CCDC148: variants seen among roughly 807,000 people sequenced by gnomAD.
CCDC148 encodes the protein coiled-coil domain containing 148.
A neutral mutation model predicts 85.7 loss-of-function variants in CCDC148; 89 were observed. The observed-to-expected ratio is 1.04, with a 90% CI of 0.87 to 1.24. The LOEUF (loss-of-function observed/expected upper bound fraction) is 1.24. Among genes scored for constraint, CCDC148 ranks in the 50% most tolerant of loss-of-function variants. The pLI is 0.00. For missense variants in CCDC148, 692 were observed against 671.7 expected, an observed-to-expected ratio of 1.03 and a Z score of -0.33; for synonymous variants, 230 against 213.9, an observed-to-expected ratio of 1.08 and a Z score of -0.66.
intron 1 of CCDC148, among the ~76,000 whole-genome samples, chr2:158,426,600 T>A (rs1045924985): frequency 6.6e-6 from 1 of 152,166 alleles, no homozygotes; most frequent in Non-Finnish European, 1.5e-5. Context: ...AACTTTGAAT[T>A]TGGCATTCAG....
chr2:158,219,830 G>A (rs1002087227), intron 11 of CCDC148, among the ~76,000 whole-genome samples: 1 of 152,184 alleles, frequency 6.6e-6, no homozygotes, highest in African/African-American at 2.4e-5. Flanking sequence ...CAACCGTGGA[G>A]AGGGCTCCTC....
chr2:158,400,889 A>G (rs1381851656), intron 1 of CCDC148, among the ~76,000 whole-genome samples: 1 of 152,252 alleles, frequency 6.6e-6, no homozygotes, highest in Non-Finnish European at 1.5e-5. Flanking sequence ...AAGTGGGCAA[A>G]GGATATGAAC....
chr2:158,190,288 T>C (rs563432195), intron 11 of CCDC148, among the ~76,000 whole-genome samples: 1 of 152,094 alleles, frequency 6.6e-6, no homozygotes, highest in East Asian at 1.9e-4. Context: ...CAGAAATTAT[T>C]TATCATGAAC....
chr2:158,348,077 G>C (rs1683083700), intron 2 of CCDC148, among the ~76,000 whole-genome samples: 1 of 152,048 alleles, frequency 6.6e-6, no homozygotes, highest in Admixed American at 6.6e-5. Context: ...TGCATCACAA[G>C]ATTGCATATG....
rs563019652 is a variant in CCDC148, at chr2:158,418,508, A to C, written c.25+37907T>G. 9.9e-5 allele frequency among the ~76,000 whole-genome samples: 15 copies of C among 152,220 alleles called. No individual in the cohort carries two copies. The East Asian group carries it at 2.9e-3, about 29-fold the overall frequency. On this transcript the variant is annotated intron_variant, in intron 1 of 13. Coordinates refer to ENST00000283233, the MANE Select transcript of CCDC148 (RefSeq NM_138803.4). Reference sequence around the variant, plus strand: ...TTCCTTCTGTTCCTGGTATCTCCCAAGTTCATTTCTGCCTCCAAGTCTGTT... The same window carrying C: ...TTCCTTCTGTTCCTGGTATCTCCCACGTTCATTTCTGCCTCCAAGTCTGTT...
chr2:158,303,779 T>G (rs1299758401), intron 9 of CCDC148, among the ~76,000 whole-genome samples: 2 of 152,218 alleles, frequency 1.3e-5, no homozygotes, highest in African/African-American at 2.4e-5. Context: ...CATACCCTTC[T>G]GAGGAGGCTA....
intron 1 of CCDC148, among the ~76,000 whole-genome samples, chr2:158,399,750 A>G (rs1185694034): frequency 6.6e-6 from 1 of 152,184 alleles, no homozygotes; most frequent in East Asian, 1.9e-4. Context: ...CTCCTATTCA[A>G]CATAGTATTG....
At chr2:158,223,850 T>C (rs2105305370) in intron 10 of CCDC148, among the ~76,000 whole-genome samples, 1 of 152,184 alleles carries the variant, frequency 6.6e-6, no homozygotes, top group Non-Finnish European at 1.5e-5. Flanking sequence ...CAAAGGTAGA[T>C]AAAACCACAA....
intron 9 of CCDC148, among the ~76,000 whole-genome samples, chr2:158,282,667 T>C (rs569438495): frequency 1.3e-5 from 2 of 152,286 alleles, no homozygotes; most frequent in South Asian, 4.1e-4. Flanking sequence ...TGCTCATGGG[T>C]AGGAAGAATC....
At chr2:158,243,275 C>T (rs16842800) in intron 10 of CCDC148, among the ~76,000 whole-genome samples, 8,483 of 152,086 alleles carry the variant, frequency 0.056, 759 homozygotes, top group African/African-American at 0.19. Flanking sequence ...AAGGGTCATT[C>T]GTCCTTCTTC....
intron 1 of CCDC148, among the ~76,000 whole-genome samples, chr2:158,447,710 C>T (rs1688218485): frequency 1.3e-5 from 2 of 152,016 alleles, no homozygotes; most frequent in Admixed American, 6.6e-5. Flanking sequence ...TTGGTGAAAT[C>T]TCTATTAAAA....
At chr2:158,427,284 T>C (rs1038530427) in intron 1 of CCDC148, among the ~76,000 whole-genome samples, 10 of 152,168 alleles carry the variant, frequency 6.6e-5, no homozygotes, top group Admixed American at 3.3e-4. Context: ...TAAAAATAAA[T>C]GGAAACCACT....
intron 1 of CCDC148, among the ~76,000 whole-genome samples, chr2:158,427,087 A>ATAATTTGACCTC (rs1687111878): frequency 6.6e-6 from 1 of 152,204 alleles, no homozygotes; most frequent in Non-Finnish European, 1.5e-5. Context: ...TAAAGAAATA[A>ATAATTTGACCTC]TAATTTGACC....
chr2:158,342,894 C>A (rs4664949), intron 3 of CCDC148, among the ~76,000 whole-genome samples: 62,707 of 152,010 alleles, frequency 0.41, 13,509 homozygotes, highest in South Asian at 0.61. Flanking sequence ...AAGCATAACA[C>A]AATTTAAATA....
At chr2:158,366,983 A>T (rs1439478542) in intron 1 of CCDC148, among the ~76,000 whole-genome samples, 1 of 152,172 alleles carries the variant, frequency 6.6e-6, no homozygotes, top group Non-Finnish European at 1.5e-5. Flanking sequence ...AACTCTGCCA[A>T]GTTACCAAGA....
At chr2:158,430,189 T>A (rs773689859) in intron 1 of CCDC148, among the ~76,000 whole-genome samples, 10 of 152,080 alleles carry the variant, frequency 6.6e-5, no homozygotes, top group Non-Finnish European at 1.3e-4. Context: ...AGGTGGAAAG[T>A]CTTTGTAAAT....
chr2:158,340,875 G>A (rs1311802627), intron 3 of CCDC148, among the ~76,000 whole-genome samples, 195 bp from the exon 4 acceptor site: 2 of 152,148 alleles, frequency 1.3e-5, no homozygotes, highest in South Asian at 2.1e-4. Context: ...AAGAAACAGC[G>A]TGAGCAAAGG....
chr2:158,431,530 G>A (rs1015045701), intron 1 of CCDC148, among the ~76,000 whole-genome samples: 12 of 151,160 alleles, frequency 7.9e-5, no homozygotes, highest in East Asian at 1.9e-4. Flanking sequence ...TACACACGCT[G>A]TGAAATATCT....
intron 1 of CCDC148, among the ~76,000 whole-genome samples, chr2:158,437,997 A>G (rs1687744846): frequency 6.6e-6 from 1 of 152,222 alleles, no homozygotes; most frequent in Non-Finnish European, 1.5e-5. Flanking sequence ...ATGGAAGAAC[A>G]TTCCATGCCC....
Sources: allele counts gnomAD v4.1 joint callset (sites outside exome capture counted in the v4.1 genomes callset), GRCh38; gene constraint gnomAD v4.1.1; transcripts MANE v1.5; gene names NCBI Gene and HGNC (gene_info 2026-07-23, HGNC 2026-07-21).